The following SORCS3 variants were observed in gnomAD, a reference collection of about 807,000 sequenced individuals.
SORCS3 encodes the protein VPS10 domain-containing receptor SorCS3.
SORCS3 carries 57 observed loss-of-function variants against 146.3 expected under a neutral mutation model. That is an observed-to-expected ratio of 0.39 (90% CI 0.31 to 0.49). The LOEUF is 0.49. SORCS3 is among the 20% of genes least tolerant of loss of function. The pLI is 0.92. For missense variants in SORCS3, 1,341 were observed against 1,575.5 expected, an observed-to-expected ratio of 0.85 and a Z score of 2.52; for synonymous variants, 653 against 618.5, an observed-to-expected ratio of 1.06 and a Z score of -0.83.
At chr10:105,115,783 AAT>A (rs1306759559) in intron 7 of SORCS3, among the ~76,000 whole-genome samples, 4 of 152,158 alleles carry the variant, frequency 2.6e-5, no homozygotes, top group Non-Finnish European at 4.4e-5. Flanking sequence ...GGCAGAAATT[AAT>A]AGAGTGTAAT....
chr10:105,042,426 G>A (rs1293258290), intron 4 of SORCS3, among the ~76,000 whole-genome samples: 1 of 152,132 alleles, frequency 6.6e-6, no homozygotes, highest in Non-Finnish European at 1.5e-5. Flanking sequence ...AGAATCAGAT[G>A]TTTTACTTCT....
intron 2 of SORCS3, among the ~76,000 whole-genome samples, chr10:104,871,483 G>A (rs2018518308): frequency 6.6e-6 from 1 of 152,158 alleles, no homozygotes; most frequent in East Asian, 1.9e-4. Flanking sequence ...ACCAGCTCTG[G>A]GCGTTTGGCA....
intron 6 of SORCS3, among the ~76,000 whole-genome samples, chr10:105,090,774 C>T (rs944101403): frequency 2.0e-5 from 3 of 152,052 alleles, no homozygotes; most frequent in Admixed American, 1.3e-4. Flanking sequence ...CCCGGAGCAC[C>T]TCCCAGGATT....
intron 7 of SORCS3, among the ~76,000 whole-genome samples, chr10:105,116,922 T>C (rs2055897582): frequency 6.6e-6 from 1 of 152,088 alleles, no homozygotes. Flanking sequence ...AGCAGAAAAC[T>C]ATCTATTAGG....
intron 3 of SORCS3, among the ~76,000 whole-genome samples, chr10:104,940,228 ATATATATATATTTTTT>A (rs1316844963): frequency 0.027 from 938 of 34,168 alleles, 15 homozygotes; most frequent in African/African-American, 0.12. Context: ...ATATATATAT[ATATATATATATTTTTT>A]TTTTTTTTTT....
At chr10:105,244,355 T>C (rs1167158218) in intron 20 of SORCS3, among the ~76,000 whole-genome samples, 1 of 152,084 alleles carries the variant, frequency 6.6e-6, no homozygotes, top group Non-Finnish European at 1.5e-5. Context: ...TGTGGGTTGT[T>C]TTTTTTCAAG....
chr10:104,751,941 A>ATATG, intron 1 of SORCS3, among the ~76,000 whole-genome samples: 1 of 105,798 alleles, frequency 9.5e-6, no homozygotes, highest in Admixed American at 8.9e-5. Flanking sequence ...ATATATATAT[A>ATATG]TATATATATA....
intron 1 of SORCS3, among the ~76,000 whole-genome samples, chr10:104,642,913 G>T (rs2015443845): frequency 6.6e-6 from 1 of 152,182 alleles, no homozygotes; most frequent in Non-Finnish European, 1.5e-5. Flanking sequence ...TGAGCATCGC[G>T]CCTGCCTGGC....
intron 1 of SORCS3, among the ~76,000 whole-genome samples, chr10:104,776,778 G>C (rs2496033): frequency 0.79 from 118,876 of 151,022 alleles, 46,990 homozygotes; most frequent in East Asian, 0.94. Context: ...CCTGGGTCAG[G>C]AAAAATTGTA....
intron 1 of SORCS3, among the ~76,000 whole-genome samples, chr10:104,740,814 G>T (rs1322772285): frequency 6.6e-6 from 1 of 151,946 alleles, no homozygotes; most frequent in Non-Finnish European, 1.5e-5. Context: ...GGGATTTGAG[G>T]GCTTAATTTT....
chr10:105,129,398 A>ATT (rs1346182201), intron 7 of SORCS3, among the ~76,000 whole-genome samples: 4 of 127,842 alleles, frequency 3.1e-5, no homozygotes, highest in Non-Finnish European at 6.2e-5. Flanking sequence ...GAACAGAACC[A>ATT]TTTTTGAGCA....
chr10:104,905,029 T>G (rs139538624), intron 2 of SORCS3, among the ~76,000 whole-genome samples: 1 of 152,200 alleles, frequency 6.6e-6, no homozygotes, highest in Non-Finnish European at 1.5e-5. Flanking sequence ...TTCTAGCTAA[T>G]TGCTTTTTCC....
At chr10:104,689,581 C>A (rs550834191) in intron 1 of SORCS3, among the ~76,000 whole-genome samples, 1 of 152,280 alleles carries the variant, frequency 6.6e-6, no homozygotes, top group South Asian at 2.1e-4. Context: ...GAGTAGCCCT[C>A]CCTGACTCCC....
chr10:104,866,329 G>A (rs1290586792), intron 2 of SORCS3, among the ~76,000 whole-genome samples: 2 of 152,084 alleles, frequency 1.3e-5, no homozygotes, highest in East Asian at 1.9e-4. Flanking sequence ...AATCATCTAC[G>A]TTGACTATCC....
intron 2 of SORCS3, among the ~76,000 whole-genome samples, chr10:104,914,150 T>C (rs1233927137): frequency 1.3e-5 from 2 of 152,148 alleles, no homozygotes; most frequent in East Asian, 1.9e-4. Flanking sequence ...GAGCTATGGA[T>C]GTAGAATGAA....
chr10:105,086,172 C>T (rs2055659066), intron 5 of SORCS3, among the ~76,000 whole-genome samples: 1 of 152,184 alleles, frequency 6.6e-6, no homozygotes, highest in African/African-American at 2.4e-5. Flanking sequence ...GCCAAGATGT[C>T]TCATGACCCT....
intron 2 of SORCS3, among the ~76,000 whole-genome samples, chr10:104,904,698 C>T (rs1344888541): frequency 6.6e-6 from 1 of 151,500 alleles, no homozygotes; most frequent in African/African-American, 2.4e-5. Context: ...AATAATGACC[C>T]CAAATTTTGT....
chr10:104,926,680 C>T (rs1283270154), intron 3 of SORCS3, among the ~76,000 whole-genome samples: 1 of 152,208 alleles, frequency 6.6e-6, no homozygotes, highest in Non-Finnish European at 1.5e-5. Flanking sequence ...GAATGTGCTT[C>T]CATTCAAACT....
intron 7 of SORCS3, among the ~76,000 whole-genome samples, chr10:105,109,310 A>C (rs776268721): frequency 7.9e-5 from 12 of 152,114 alleles, no homozygotes; most frequent in Non-Finnish European, 1.5e-4. Context: ...AAGAAAGGTG[A>C]AAAAAATAGT....
Sources: allele counts gnomAD v4.1 joint callset (sites outside exome capture counted in the v4.1 genomes callset), GRCh38; gene constraint gnomAD v4.1.1; transcripts MANE v1.5; gene names NCBI Gene and HGNC (gene_info 2026-07-23, HGNC 2026-07-21).